ZNF174: variants seen among roughly 807,000 people sequenced by gnomAD.
The protein encoded by ZNF174 is zinc finger protein 174.
A neutral mutation model predicts 38.7 loss-of-function variants in ZNF174; 30 were observed. The observed-to-expected ratio is 0.78, with a 90% CI of 0.58 to 1.05. ZNF174 has a LOEUF of 1.05. Ranked by LOEUF, ZNF174 falls within the 50% of genes least tolerant of loss-of-function variation. The pLI is 0.00. For missense variants in ZNF174, 499 were observed against 495.6 expected, an observed-to-expected ratio of 1.01 and a Z score of -0.06; for synonymous variants, 201 against 181.7, an observed-to-expected ratio of 1.11 and a Z score of -0.86.
Position 3,408,800 on chromosome 16 carries a change from C to G in ZNF174, c.1105C>G (p.Leu369Val). Residue 369 changes from leucine (L) to valine (V), a missense_variant, in exon 3 of 3, where the codon CTG becomes GTG. By Grantham distance (32) the Leu-to-Val change is conservative. Transcript: ENST00000268655. ...CGNCFGRQST[L>V]KLHQRIHTGE... ...AAACTGCTTTGGGCGGCAGTCAACC[C>G]TGAAGCTGCACCAGAGGATCCACAC... The G allele has an allele frequency of 6.2e-7, 1 of 1,613,930 alleles. No homozygotes were observed. Among genetic ancestry groups the G allele is most frequent in the Non-Finnish European group, 8.5e-7 (1 of 1,179,978 alleles).
chr16:3,404,592 A>G lies in ZNF174; in HGVS notation c.569A>G (p.His190Arg), dbSNP rs1052954861. ...GGAGCTTATGACCGGCTGAGCCCCC[A>G]TCATTGGGAGAAATCCCCACTCCTC... ...QAGAYDRLSP[H>R]HWEKSPLLQE... Residue 190 changes from histidine to arginine, a missense_variant, in exon 2 of 3, where the codon CAT (histidine) becomes CGT (arginine). By Grantham distance (29) the His-to-Arg change is conservative. Coordinates refer to ENST00000268655, the MANE Select transcript of ZNF174 (RefSeq NM_003450.3). 5 of 1,614,048 alleles carry G rather than the reference A, an allele frequency of 3.1e-6. No individual in the cohort carries two copies. In the African/African-American group the frequency reaches 4.0e-5, roughly 13 times the overall value.
At position 3,402,233 on chromosome 16, in the gene ZNF174, C is replaced by T; in HGVS notation, c.229C>T (p.Pro77Ser). The T allele has an allele frequency of 6.2e-7, 1 of 1,614,160 alleles. No homozygotes were observed. Among genetic ancestry groups the T allele is most frequent in the South Asian group, 1.1e-5 (1 of 91,084 alleles). ...LRQLCRQWLQ[P>S]ELHTKEQILE... ...ACAGCTCTGCCGTCAGTGGTTGCAA[C>T]CCGAGCTGCACACCAAGGAGCAGAT... Residue 77 changes from proline to serine, a missense_variant, in exon 1 of 3, where the codon CCC becomes TCC. Pro to Ser is a moderately conservative substitution (Grantham distance 74, BLOSUM62 -1). Transcript: ENST00000268655.
At chr16:3,406,885 A>T (rs919415796) in intron 2 of ZNF174, among the ~76,000 whole-genome samples, 1 of 152,228 alleles carries the variant, frequency 6.6e-6, no homozygotes, top group Non-Finnish European at 1.5e-5. Flanking sequence ...TCAAGGAGAC[A>T]TAGATTTAGC....
At chr16:3,402,876 T>G (rs1304840704) in intron 1 of ZNF174, among the ~76,000 whole-genome samples, 1 of 152,088 alleles carries the variant, frequency 6.6e-6, no homozygotes, top group Non-Finnish European at 1.5e-5. Flanking sequence ...CTATCCTGAG[T>G]TATTAACAGG....
At chr16:3,405,173 C>G (rs1004679212) in intron 2 of ZNF174, 4 of 1,218,848 alleles carry the variant, frequency 3.3e-6, no homozygotes, top group Non-Finnish European at 4.3e-6. Flanking sequence ...GCCTGAATGA[C>G]AGTGACATTT....
intron 2 of ZNF174, among the ~76,000 whole-genome samples, chr16:3,405,498 G>C (rs939508343): frequency 1.3e-5 from 2 of 152,046 alleles, no homozygotes; most frequent in African/African-American, 4.8e-5. Context: ...GGGAAGACAG[G>C]CTCCCGTGGG....
Position 3,408,621 on chromosome 16 carries a change from A to G in ZNF174, c.926A>G (p.Asn309Ser). 1 of 1,614,200 alleles carries G rather than the reference A, an allele frequency of 6.2e-7. No homozygotes were observed. Among genetic ancestry groups the G allele is most frequent in the Non-Finnish European group, 8.5e-7 (1 of 1,180,032 alleles). Reference protein sequence around the residue: ...KSKGGKRSLSNRLQHLGHQPT... With the variant: ...KSKGGKRSLSSRLQHLGHQPT... ...AAAGGAGGTAAACGGAGTCTGAGCA[A>G]CCGTTTGCAACATCTTGGTCACCAG... The change falls in exon 3 of 3, where the codon AAC becomes AGC. Residue 309 changes from asparagine (N) to serine (S), a missense_variant. By Grantham distance (46) the Asn-to-Ser change is conservative. Coordinates refer to ENST00000268655, the MANE Select transcript of ZNF174 (RefSeq NM_003450.3).
chr16:3,402,800 C>A (rs112602878), intron 1 of ZNF174, among the ~76,000 whole-genome samples: 16 of 152,072 alleles, frequency 1.1e-4, no homozygotes, highest in Non-Finnish European at 1.9e-4. Context: ...CTGGATCTCT[C>A]CCTATTTAAG....
rs771262313 is a variant in ZNF174, at chr16:3,408,853, G to A, written c.1158G>A (p.Gln386=). 6 of 1,613,928 alleles carry A rather than the reference G, an allele frequency of 3.7e-6. No individual in the cohort carries two copies. The highest frequency in any genetic ancestry group is 2.2e-5 in the East Asian group (1 of 44,900). Residue 386 remains glutamine, a synonymous_variant, in exon 3 of 3, where the codon CAG becomes CAA. Transcript: ENST00000268655. ...HTGEKPYQCG[Q]CGKSFRQSSN... ...GAGAGAAGCCATACCAGTGTGGCCAGTGTGGGAAAAGCTTTCGCCAGAGCT... is the reference window on the plus strand; with the variant it reads ...GAGAGAAGCCATACCAGTGTGGCCAATGTGGGAAAAGCTTTCGCCAGAGCT...
intron 2 of ZNF174, among the ~76,000 whole-genome samples, chr16:3,405,883 T>A (rs2034048887): frequency 6.6e-6 from 1 of 152,174 alleles, no homozygotes; most frequent in Non-Finnish European, 1.5e-5. Context: ...GCTGCACACC[T>A]GTAATCCCAG....
Position 3,408,454 on chromosome 16 carries a change from T to C in ZNF174, c.759T>C (p.Asn253=), listed in dbSNP as rs756674325. Reference sequence around the variant, plus strand: ...AGAATCCTGAACCAAGAGGGGCAAATATGAGTGAACCTCGGTTGTCACGGA... The same window carrying C: ...AGAATCCTGAACCAAGAGGGGCAAACATGAGTGAACCTCGGTTGTCACGGA... ...GLQNPEPRGA[N]MSEPRLSRRQ... The change falls in exon 3 of 3, where the codon AAT becomes AAC. Residue 253 remains asparagine, a synonymous_variant. Coordinates refer to ENST00000268655, the MANE Select transcript of ZNF174 (RefSeq NM_003450.3). 4 of 1,613,852 alleles carry C rather than the reference T, an allele frequency of 2.5e-6. No individual in the cohort carries two copies. The highest frequency in any genetic ancestry group is 1.3e-5 in the African/African-American group (1 of 74,936).
In ZNF174 at chr16:3,402,094, A is replaced by G. The variant is rs762523358; in HGVS notation, c.90A>G (p.Lys30=). 1 of 1,614,160 alleles carries G rather than the reference A, an allele frequency of 6.2e-7. No individual in the cohort carries two copies. Among genetic ancestry groups the G allele is most frequent in the Non-Finnish European group, 8.5e-7 (1 of 1,180,018 alleles). Residue 30 remains lysine (K), a synonymous_variant, in exon 1 of 3, where the codon AAA becomes AAG. Coordinates refer to ENST00000268655, the MANE Select transcript of ZNF174 (RefSeq NM_003450.3). The part of the protein sequence containing the change: ...ERHIIAKLEE[K]RGPPLQKNCP... The stretch of plus-strand genomic sequence containing the variant: ...ACATAATAGCCAAACTAGAAGAGAA[A>G]CGGGGCCCTCCTCTGCAAAAAAACT...
chr16:3,401,964 TA>T lies in ZNF174; in HGVS notation c.-39del. On this transcript the variant is annotated 5_prime_UTR_variant, in exon 1 of 3. It removes the in-frame stop codon of an upstream open reading frame in the 5' UTR. Coordinates refer to ENST00000268655, the MANE Select transcript of ZNF174 (RefSeq NM_003450.3). ...CTCCAGGGTCATGATCCCAAAGGCT[TA>T]ACCCGTTTACAAGGAGAGAGTTGTC... The T allele has an allele frequency of 6.3e-7, 1 of 1,599,562 alleles. No homozygotes were observed.
chr16:3,405,111 G>A lies in ZNF174; in HGVS notation c.625+463G>A. 3.4e-6 allele frequency: 5 copies of A among 1,452,310 alleles called. No homozygotes were observed. In the Admixed American group the frequency reaches 7.8e-5, roughly 23 times the overall value. The allele number at this position is 1,452,310 out of a possible 1,614,324, so 90.0% of individuals were successfully genotyped here. A position where few individuals can be genotyped will look rare whatever the true frequency, so the allele number is the denominator to read the frequency against. ...TCAAATCTATTTCCCTTTCTCTGGTGTGATACTTGTGTAACTGCTGGCCTT... is the reference window on the plus strand; with the variant it reads ...TCAAATCTATTTCCCTTTCTCTGGTATGATACTTGTGTAACTGCTGGCCTT... On this transcript the variant is annotated intron_variant, in intron 2 of 2. Coordinates refer to ENST00000268655, the MANE Select transcript of ZNF174 (RefSeq NM_003450.3).
chr16:3,407,700 G>A (rs571796079), intron 2 of ZNF174, among the ~76,000 whole-genome samples: 8 of 152,234 alleles, frequency 5.3e-5, no homozygotes, highest in Admixed American at 2.0e-4. Context: ...CCCATAGGCC[G>A]TTCCAGCTCA....
intron 2 of ZNF174, among the ~76,000 whole-genome samples, chr16:3,405,529 A>G (rs2034043184): frequency 6.6e-6 from 1 of 152,162 alleles, no homozygotes; most frequent in South Asian, 2.1e-4. Flanking sequence ...GAAGGCACTA[A>G]TCCCATTCCA....
chr16:3,404,370 G>T (rs776255651), intron 1 of ZNF174, 56 bp from the exon 2 acceptor site: 7 of 1,510,028 alleles, frequency 4.6e-6, no homozygotes, highest in Non-Finnish European at 6.2e-6. Flanking sequence ...AACAGTGAGA[G>T]ATCAAGCTTC....
rs757667995 is a variant in ZNF174, at chr16:3,408,918, A to C, written c.1223A>C (p.Ter408SerextTer7). 31 of 1,603,116 alleles carry C rather than the reference A, an allele frequency of 1.9e-5. No homozygotes were observed. The African/African-American group carries it at 3.5e-4, about 18-fold the overall frequency. Residue 408 changes from the stop codon to serine (S), a stop_lost, in exon 3 of 3, where the codon TAA becomes TCA. Transcript: ENST00000268655. ...HQHHRLHHGD[*>S] ...CATCACCGACTTCACCATGGGGACT[A>C]AAAGGAGCACTCCATGCTTTAGATT...
rs1229771848 is a variant in ZNF174 at position 3,408,667 on chromosome 16, A to G, written c.972A>G (p.Lys324=). ...LGHQPTRSAK[K]PYKCDDCGKS... ...ACCAGCCCACCCGCTCAGCAAAGAAACCCTACAAATGTGATGACTGTGGGA... is the reference window on the plus strand; with the variant it reads ...ACCAGCCCACCCGCTCAGCAAAGAAGCCCTACAAATGTGATGACTGTGGGA... Residue 324 remains lysine (K), a synonymous_variant, in exon 3 of 3, where the codon AAA becomes AAG. Transcript: ENST00000268655. The G allele has an allele frequency of 1.9e-6, 3 of 1,614,118 alleles. No homozygotes were observed. The highest frequency in any genetic ancestry group is 1.1e-5 in the South Asian group (1 of 91,072).
Sources: allele counts gnomAD v4.1 joint callset (sites outside exome capture counted in the v4.1 genomes callset), GRCh38; gene constraint gnomAD v4.1.1; transcripts MANE v1.5; gene names NCBI Gene and HGNC (gene_info 2026-07-23, HGNC 2026-07-21).